FHIT: variants seen among roughly 807,000 people sequenced by gnomAD.
FHIT encodes the protein bis(5'-adenosyl)-triphosphatase.
A neutral mutation model predicts 17.9 loss-of-function variants in FHIT; 19 were observed. The observed-to-expected ratio is 1.06, with a 90% CI of 0.74 to 1.56. The LOEUF is 1.56. Among genes scored for constraint, FHIT ranks in the 40% most tolerant of loss-of-function variants. The pLI is 0.00. For missense variants in FHIT, 248 were observed against 189.2 expected, an observed-to-expected ratio of 1.31 and a Z score of -1.82; for synonymous variants, 81 against 69.7, an observed-to-expected ratio of 1.16 and a Z score of -0.81.
chr3:60,682,681 AATG>A (rs1553697233), intron 4 of FHIT, among the ~76,000 whole-genome samples: 73 of 152,348 alleles, frequency 4.8e-4, no homozygotes, highest in African/African-American at 1.7e-3. Flanking sequence ...TGTAAAAGGA[AATG>A]AATGTTGTTT....
chr3:61,234,209 C>A (rs1029860849), intron 1 of FHIT, among the ~76,000 whole-genome samples: 3 of 152,136 alleles, frequency 2.0e-5, no homozygotes, highest in African/African-American at 4.8e-5. Flanking sequence ...TAGGGGAGCA[C>A]TGCTTGCTGC....
intron 4 of FHIT, among the ~76,000 whole-genome samples, chr3:60,607,621 T>C (rs2038649252): frequency 6.6e-6 from 1 of 152,074 alleles, no homozygotes; most frequent in Non-Finnish European, 1.5e-5. Flanking sequence ...CCACACCACA[T>C]GCGTGATAGA....
chr3:60,444,758 T>C (rs2031197810), intron 5 of FHIT, among the ~76,000 whole-genome samples: 1 of 151,780 alleles, frequency 6.6e-6, no homozygotes, highest in Non-Finnish European at 1.5e-5. Context: ...GACGAGTTAA[T>C]GGGTGCAGCA....
At chr3:60,546,371 T>C (rs943123937) in intron 4 of FHIT, among the ~76,000 whole-genome samples, 4 of 152,228 alleles carry the variant, frequency 2.6e-5, no homozygotes, top group Non-Finnish European at 1.5e-5. Flanking sequence ...TAATGCTTAG[T>C]GTTTAAAAGC....
At chr3:60,730,180 C>A in intron 4 of FHIT, 2 of 388,118 alleles carry the variant, frequency 5.2e-6, no homozygotes. Flanking sequence ...ACTAATGGCT[C>A]TGTGTATCCT....
At chr3:61,038,729 G>A (rs1035066176) in intron 3 of FHIT, among the ~76,000 whole-genome samples, 1 of 152,094 alleles carries the variant, frequency 6.6e-6, no homozygotes, top group East Asian at 1.9e-4. Flanking sequence ...GAAAAAGAAA[G>A]GAGGGGAGGG....
intron 3 of FHIT, among the ~76,000 whole-genome samples, chr3:60,923,389 A>C (rs1307955149): frequency 6.6e-6 from 1 of 152,200 alleles, no homozygotes; most frequent in Non-Finnish European, 1.5e-5. Context: ...TGAAGAAAAC[A>C]CTATTCATTC....
chr3:60,075,444 T>G (rs1702962158), intron 5 of FHIT, among the ~76,000 whole-genome samples: 1 of 152,136 alleles, frequency 6.6e-6, no homozygotes, highest in African/African-American at 2.4e-5. Flanking sequence ...TAAAAAATAA[T>G]ACAATAGAAC....
At chr3:60,979,242 T>C (rs9858247) in intron 3 of FHIT, among the ~76,000 whole-genome samples, 2,218 of 152,226 alleles carry the variant, frequency 0.015, 48 homozygotes, top group African/African-American at 0.05. Flanking sequence ...TTTGCTCCCA[T>C]AGTAAATAAG....
At chr3:60,942,511 T>G (rs147074509) in intron 3 of FHIT, among the ~76,000 whole-genome samples, 33 of 152,298 alleles carry the variant, frequency 2.2e-4, no homozygotes, top group Admixed American at 3.3e-4. Flanking sequence ...CTATTTTCAA[T>G]TGTCTCTATA....
At chr3:60,343,029 T>C (rs1160756257) in intron 5 of FHIT, among the ~76,000 whole-genome samples, 1 of 152,174 alleles carries the variant, frequency 6.6e-6, no homozygotes, top group Non-Finnish European at 1.5e-5. Context: ...GCGATTTGTT[T>C]ACAATAACAA....
In FHIT at chr3:59,749,593, T is replaced by TAAAC. The variant is rs1271182261; in HGVS notation, c.*6-18_*6-15dup. ...TCTGAAAAACATCTTAAGCCATTTT[T>TAAAC]AAACAAACAAAGGCCTTATGATTCT... is the stretch of plus-strand genomic sequence containing the variant. On this transcript the variant is annotated splice_polypyrimidine_tract_variant and intron_variant, in intron 9 of 9. Coordinates refer to ENST00000492590, the MANE Select transcript of FHIT (RefSeq NM_002012.4). 8.6e-6 allele frequency: 2 copies of TAAAC among 231,404 alleles called. No homozygotes were observed. Among genetic ancestry groups the TAAAC allele is most frequent in the Non-Finnish European group, 8.6e-6 (1 of 116,908 alleles). 14.3% of individuals were successfully genotyped at this position (231,404 alleles called of 1,614,324 possible). A position where few individuals can be genotyped will look rare whatever the true frequency, so the allele number is the denominator to read the frequency against.
chr3:60,804,443 G>A (rs975163398), intron 4 of FHIT, among the ~76,000 whole-genome samples: 2 of 152,144 alleles, frequency 1.3e-5, no homozygotes, highest in African/African-American at 2.4e-5. Context: ...GGATGCCTAG[G>A]TTCAAATCCC....
intron 3 of FHIT, among the ~76,000 whole-genome samples, chr3:60,959,253 T>A (rs960814755): frequency 2.0e-5 from 3 of 152,206 alleles, no homozygotes; most frequent in Non-Finnish European, 4.4e-5. Flanking sequence ...TTAACTCTTA[T>A]GAGCCTCAAT....
intron 1 of FHIT, among the ~76,000 whole-genome samples, chr3:61,229,234 A>C (rs1297357320): frequency 6.6e-6 from 1 of 152,244 alleles, no homozygotes; most frequent in African/African-American, 2.4e-5. Flanking sequence ...GTGTTCTTAC[A>C]AAAGAAAGGC....
chr3:60,974,398 G>C (rs1390213138), intron 3 of FHIT, among the ~76,000 whole-genome samples: 1 of 152,136 alleles, frequency 6.6e-6, no homozygotes, highest in Non-Finnish European at 1.5e-5. Flanking sequence ...ATTCCATTGA[G>C]ACTCAGTACT....
chr3:60,778,506 C>A (rs1265905868), intron 4 of FHIT, among the ~76,000 whole-genome samples: 2 of 152,128 alleles, frequency 1.3e-5, no homozygotes, highest in African/African-American at 4.8e-5. Context: ...CTGAAGCAAC[C>A]TTTTTGACTT....
intron 4 of FHIT, among the ~76,000 whole-genome samples, chr3:60,707,157 C>A (rs576082604): frequency 6.6e-6 from 1 of 152,150 alleles, no homozygotes; most frequent in Non-Finnish European, 1.5e-5. Context: ...GAATAGGAAA[C>A]GAGTCCCTTT....
chr3:60,269,368 A>G (rs1218078086), intron 5 of FHIT, among the ~76,000 whole-genome samples: 3 of 152,154 alleles, frequency 2.0e-5, no homozygotes, highest in Non-Finnish European at 2.9e-5. Flanking sequence ...TCCATTTGAA[A>G]TAGTTTTCTT....
Sources: gnomAD v4.1 joint callset for allele counts (sites outside exome capture counted in the v4.1 genomes callset) on GRCh38, gnomAD v4.1.1 for gene constraint, MANE v1.5 for transcripts, NCBI Gene and HGNC (gene_info 2026-07-23, HGNC 2026-07-21) for gene names.